Variants in SIDT2 observed in about 807,000 individuals in gnomAD.
SIDT2 encodes SID1 transmembrane family, member 2.
A neutral mutation model predicts 114.4 loss-of-function variants in SIDT2; 68 were observed. The observed-to-expected ratio is 0.59, with a 90% CI of 0.49 to 0.73. The LOEUF (loss-of-function observed/expected upper bound fraction) is 0.73. SIDT2 is among the 30% of genes least tolerant of loss of function. The probability of loss-of-function intolerance (pLI) is 0.00; values close to 1 mark genes in which losing one functional copy is unlikely to be tolerated. For missense variants in SIDT2, 918 were observed against 1,097.1 expected (o/e 0.84, Z 2.31); for synonymous variants, 470 against 438.4 (o/e 1.07, Z -0.90).
rs769292791 is a variant in SIDT2 at position 117,192,351 on chromosome 11, G to A, written c.1970G>A (p.Arg657Gln). The A allele has an allele frequency of 6.9e-6, 11 of 1,598,402 alleles. No homozygotes were observed. The highest frequency in any genetic ancestry group is 2.2e-5 in the East Asian group (1 of 44,808). The stretch of plus-strand genomic sequence containing the variant: ...AGCACGCAGCTCTATTACATGGGCC[G>A]GTGGAAACTGGGTAAGGGCACGCCC... ...LLSTQLYYMG[R>Q]WKLDSGIFRR... The change falls in exon 20 of 26, where the codon CGG (arginine) becomes CAG (glutamine). Residue 657 changes from arginine to glutamine, a missense_variant. This residue lies in a region of SIDT2 where 275 missense variants were observed against 397.6 expected (regional missense o/e 0.69). Coordinates refer to ENST00000324225, the MANE Select transcript of SIDT2 (RefSeq NM_001040455.2). The surrounding 1 kb of genome is among the most constrained non-coding windows in gnomAD (Gnocchi z 5.9).
intron 23 of SIDT2, among the ~76,000 whole-genome samples, chr11:117,193,600 C>T (rs74816473): frequency 0.037 from 5,663 of 152,200 alleles, 336 homozygotes; most frequent in African/African-American, 0.13. Context: ...ATTGGAGCCC[C>T]CTGCATAGGG....
intron 6 of SIDT2, among the ~76,000 whole-genome samples, chr11:117,183,313 C>G (rs59978576): frequency 0.024 from 3,631 of 152,062 alleles, 75 homozygotes; most frequent in South Asian, 0.098. Flanking sequence ...CCACTGCACT[C>G]CAGCCTGGGC....
rs2030893358 is a variant in SIDT2 at position 117,196,239 on chromosome 11, G to A, written c.*173G>A. ...GCCTGGGACAGCCATGGGGTGGCAT[G>A]GAACCTTGCAGCTGCCCTCTGCCGA... On this transcript the variant is annotated 3_prime_UTR_variant, in exon 26 of 26. Transcript: ENST00000324225. This position sits in a 1 kb window ranked among gnomAD's most constrained non-coding sequence, Gnocchi z 4.9. The A allele has an allele frequency of 7.2e-6, 6 of 838,388 alleles. No individual in the cohort carries two copies. The highest frequency in any genetic ancestry group is 1.1e-5 in the Non-Finnish European group (6 of 547,760). The allele number at this position is 838,388 out of a possible 1,614,324, so 51.9% of individuals were successfully genotyped here.
chr11:117,186,061 C>T, intron 8 of SIDT2, 69 bp from the exon 9 acceptor site: 2 of 1,304,764 alleles, frequency 1.5e-6, no homozygotes, highest in South Asian at 2.4e-5. Flanking sequence ...GACATGAAGG[C>T]CTTTGGGTGC....
At position 117,179,404 on chromosome 11, in the gene SIDT2, G is replaced by T; in HGVS notation, c.141G>T (p.Leu47=). ...RTYVDEVNSE[L]VNIYTFNHTV... is the part of the protein sequence containing the mutation. ...ACGTGGACGAGGTCAACAGCGAGCT[G>T]GTCAACATCTACACCTTCAACCATA... Residue 47 remains leucine, a synonymous_variant, in exon 1 of 26, where the codon CTG becomes CTT. Coordinates refer to ENST00000324225, the MANE Select transcript of SIDT2 (RefSeq NM_001040455.2). The T allele has an allele frequency of 6.2e-7, 1 of 1,613,708 alleles. No homozygotes were observed. Among genetic ancestry groups the T allele is most frequent in the Non-Finnish European group, 8.5e-7 (1 of 1,179,866 alleles).
At chr11:117,187,052 G>A in intron 10 of SIDT2, 1 of 1,459,024 alleles carries the variant, frequency 6.9e-7, no homozygotes, top group South Asian at 1.2e-5. Flanking sequence ...AGTAGGGGAG[G>A]GAGGGTGCAG....
At chr11:117,183,562 C>T (rs185483937) in intron 6 of SIDT2, among the ~76,000 whole-genome samples, 5 of 149,866 alleles carry the variant, frequency 3.3e-5, no homozygotes, top group Admixed American at 6.7e-5. Flanking sequence ...TGTTTGAACC[C>T]GGGAGGCGGA....
chr11:117,188,379 C>G lies in SIDT2; in HGVS notation c.1160-329C>G. 2.5e-6 allele frequency: 1 copy of G among 400,740 alleles called. No homozygotes were observed. The highest frequency in any genetic ancestry group is 4.6e-6 in the Non-Finnish European group (1 of 216,154). 24.8% of individuals were successfully genotyped at this position (400,740 alleles called of 1,614,324 possible). A position where few individuals can be genotyped will look rare whatever the true frequency, so the allele number is the denominator to read the frequency against. ...TTGAATCAGCATGACTTGCCGAGTT[C>G]AATCCTGTTGTTTGTGTCTGCTGCC... is the stretch of plus-strand genomic sequence containing the variant. On this transcript the variant is annotated intron_variant, in intron 12 of 25. Transcript: ENST00000324225. This position sits in a 1 kb window ranked among gnomAD's most constrained non-coding sequence, Gnocchi z 4.0.
chr11:117,184,250 G>T (rs2030410197), intron 8 of SIDT2, 111 bp downstream of exon 8: 1 of 1,066,696 alleles, frequency 9.4e-7, no homozygotes, highest in Non-Finnish European at 1.4e-6. Flanking sequence ...CAGATATGCT[G>T]GTGGGGTAGG....
chr11:117,191,912 C>T lies in SIDT2; in HGVS notation c.1770C>T (p.Cys590=). 1 of 1,614,138 alleles carries T rather than the reference C, an allele frequency of 6.2e-7. No individual in the cohort carries two copies. The highest frequency in any genetic ancestry group is 1.1e-5 in the South Asian group (1 of 91,080). ...TCATGTACATGATCGCCGGACTCTG[C>T]ATGCTGAAGCTCTACCAGAAGCGGC... ...TSFMYMIAGL[C]MLKLYQKRHP... is the part of the protein sequence containing the mutation. The change falls in exon 19 of 26, where the codon TGC becomes TGT. Residue 590 remains cysteine, a synonymous_variant. Coordinates refer to ENST00000324225, the MANE Select transcript of SIDT2 (RefSeq NM_001040455.2).
chr11:117,181,678 A>G, intron 2 of SIDT2, 129 bp from the exon 3 acceptor site: 1 of 1,568,558 alleles, frequency 6.4e-7, no homozygotes, highest in Non-Finnish European at 8.7e-7. Flanking sequence ...GAGTCCCACC[A>G]GCCGGGAGCT....
intron 9 of SIDT2, 125 bp downstream of exon 9, chr11:117,186,348 G>A: frequency 1.1e-6 from 1 of 901,996 alleles, no homozygotes; most frequent in Non-Finnish European, 1.8e-6. Flanking sequence ...TGATGGTGGG[G>A]CTGTTAGAGT....
In SIDT2 at chr11:117,193,172, A is replaced by T; in HGVS notation, c.2125A>T (p.Met709Leu). ...TGCCAGGGCTGCCTATGGGCTTATC[A>T]TGCGCCCCAATGATTTCGCTTCCTA... The part of the protein sequence containing the change: ...NWSLAAYGLI[M>L]RPNDFASYLL... The change falls in exon 23 of 26, where the codon ATG becomes TTG. Residue 709 changes from methionine to leucine, a missense_variant. This residue lies in a region of SIDT2 where 275 missense variants were observed against 397.6 expected (regional missense o/e 0.69). Transcript: ENST00000324225. 6.2e-7 allele frequency: 1 copy of T among 1,614,046 alleles called. No homozygotes were observed.
chr11:117,187,491 CT>C (rs1383585478), intron 11 of SIDT2, 42 bp downstream of exon 11: 2 of 1,609,044 alleles, frequency 1.2e-6, no homozygotes, highest in Non-Finnish European at 1.7e-6. Context: ...GGGACATGAC[CT>C]TGTCTCCTTA....
At position 117,189,890 on chromosome 11, in the gene SIDT2, C is replaced by T. The variant is rs936414064; in HGVS notation, c.1420-62C>T. The T allele has an allele frequency of 1.4e-4, 214 of 1,551,754 alleles. 1 individual carries two copies. Among genetic ancestry groups the T allele is most frequent in the Admixed American group, 2.5e-4 (15 of 59,832 alleles). ...TTTTTTGCCAAAGGGGCCCGGATGG[C>T]GGGGCGTGGGCTGAGTTGGGCGTGA... On this transcript the variant is annotated intron_variant, in intron 15 of 25. Transcript: ENST00000324225.
rs1289416364 is a variant in SIDT2 at position 117,182,063 on chromosome 11, T to C, written c.474T>C (p.Thr158=). 6.2e-7 allele frequency: 1 copy of C among 1,614,118 alleles called. No individual in the cohort carries two copies. Among genetic ancestry groups the C allele is most frequent in the Non-Finnish European group, 8.5e-7 (1 of 1,180,010 alleles). The change falls in exon 4 of 26, where the codon ACT becomes ACC. Residue 158 remains threonine (T), a synonymous_variant. Coordinates refer to ENST00000324225, the MANE Select transcript of SIDT2 (RefSeq NM_001040455.2). ...GGGGCTCTTCTCTGCCCTGCAGGAC[T>C]GGGGAGCAGTTCAGCTTCAATACCA... is the stretch of plus-strand genomic sequence containing the variant. ...VSRMDDFVLR[T]GEQFSFNTTA... is the part of the protein sequence containing the mutation.
chr11:117,183,595 G>A (rs1419854646), intron 6 of SIDT2, among the ~76,000 whole-genome samples, 184 bp from the exon 7 acceptor site: 1 of 149,454 alleles, frequency 6.7e-6, no homozygotes, highest in Non-Finnish European at 1.5e-5. Flanking sequence ...CTGAGATCAT[G>A]CCATGGCACT....
Position 117,188,698 on chromosome 11 carries a change from C to G in SIDT2, c.1160-10C>G, listed in dbSNP as rs184083291. On this transcript the variant is annotated splice_polypyrimidine_tract_variant and intron_variant, in intron 12 of 25. Coordinates refer to ENST00000324225, the MANE Select transcript of SIDT2 (RefSeq NM_001040455.2). The surrounding 1 kb of genome is among the most constrained non-coding windows in gnomAD (Gnocchi z 4.0). The stretch of plus-strand genomic sequence containing the variant: ...CACCGGTGCAACCCCTCCCTCCCTG[C>G]CCTTTCCAGGCCGCTCCTTTGAACC... The G allele has an allele frequency of 5.4e-5, 87 of 1,610,320 alleles. No individual in the cohort carries two copies. In the African/African-American group the frequency reaches 1.1e-3, roughly 21 times the overall value.
At position 117,190,792 on chromosome 11, in the gene SIDT2, G is replaced by A. The variant is rs754407939; in HGVS notation, c.1735+52G>A. On this transcript the variant is annotated intron_variant, in intron 18 of 25. Coordinates refer to ENST00000324225, the MANE Select transcript of SIDT2 (RefSeq NM_001040455.2). This position sits in a 1 kb window ranked among gnomAD's most constrained non-coding sequence, Gnocchi z 4.1. ...CTCAACCTACAGCAGGGACCTGCCT[G>A]AGTCCTTCACTATCCCCAAGTCACC... is the stretch of plus-strand genomic sequence containing the variant. 6.2e-6 allele frequency: 9 copies of A among 1,443,930 alleles called. No individual in the cohort carries two copies. The highest frequency in any genetic ancestry group is 4.2e-5 in the African/African-American group (3 of 71,614). The allele number at this position is 1,443,930 out of a possible 1,614,324, so 89.4% of individuals were successfully genotyped here.
Sources: allele counts gnomAD v4.1 joint callset (sites outside exome capture counted in the v4.1 genomes callset), GRCh38; gene constraint gnomAD v4.1.1; regional missense constraint gnomAD v4.1.1; non-coding constraint Gnocchi (gnomAD v3.1); transcripts MANE v1.5; gene names NCBI Gene and HGNC (gene_info 2026-07-23, HGNC 2026-07-21).